The following KCNQ1 variants were observed in gnomAD, a reference collection of about 807,000 sequenced individuals.
KCNQ1 encodes potassium voltage-gated channel subfamily Q member 1, also known as potassium voltage-gated channel subfamily KQT member 1.
In KCNQ1, 49 loss-of-function variants were observed where a neutral mutation model predicts 72.4. That is an observed-to-expected ratio of 0.68 (90% CI 0.54 to 0.86). KCNQ1 has a LOEUF of 0.86. Ranked by LOEUF, KCNQ1 falls within the 40% of genes least tolerant of loss-of-function variation. The probability of loss-of-function intolerance (pLI) is 0.00; values close to 1 mark genes in which losing one functional copy is unlikely to be tolerated. For synonymous variants in KCNQ1, 450 were observed against 412.6 expected, an observed-to-expected ratio of 1.09 and a Z score of -1.10; for missense variants, 790 against 945.1, an observed-to-expected ratio of 0.84 and a Z score of 2.15.
chr11:2,680,168 G>A (rs865810064), intron 11 of KCNQ1: 23 of 394,242 alleles, frequency 5.8e-5, no homozygotes, highest in Middle Eastern at 1.3e-3. Context: ...CTGGGATTAC[G>A]GGCGTGAGCC....
At chr11:2,622,698 G>A (rs1051323451) in intron 10 of KCNQ1, 1 of 398,450 alleles carries the variant, frequency 2.5e-6, no homozygotes, top group Non-Finnish European at 4.4e-6. Context: ...TTGTCTGTAT[G>A]TGTGTATGTG....
At chr11:2,731,131 A>G (rs1845852512) in intron 11 of KCNQ1, among the ~76,000 whole-genome samples, 1 of 152,194 alleles carries the variant, frequency 6.6e-6, no homozygotes, top group Admixed American at 6.5e-5. Context: ...TGTTCACGGC[A>G]GGGGCTGCGT....
At chr11:2,774,183 G>A (rs1005911713) in intron 12 of KCNQ1, among the ~76,000 whole-genome samples, 1 of 152,248 alleles carries the variant, frequency 6.6e-6, no homozygotes, top group Non-Finnish European at 1.5e-5. Flanking sequence ...GAAGGACTTA[G>A]CATTCCCATA....
chr11:2,561,808 C>CTA (rs1848171508), intron 2 of KCNQ1, among the ~76,000 whole-genome samples: 7 of 152,238 alleles, frequency 4.6e-5, no homozygotes, highest in Admixed American at 3.3e-4. Context: ...GGCCCAGAAG[C>CTA]CCTCCCCTCC....
intron 1 of KCNQ1, among the ~76,000 whole-genome samples, chr11:2,505,670 A>G (rs1251835557): frequency 6.6e-6 from 1 of 152,170 alleles, no homozygotes; most frequent in Non-Finnish European, 1.5e-5. Context: ...AATGTTTATA[A>G]TGGTTATCTG....
chr11:2,812,529 G>A (rs1847510991), intron 15 of KCNQ1, among the ~76,000 whole-genome samples: 1 of 152,228 alleles, frequency 6.6e-6, no homozygotes, highest in African/African-American at 2.4e-5. Context: ...CGGGAGGCGG[G>A]AACAGCATGT....
At chr11:2,558,729 G>A (rs750148210) in intron 2 of KCNQ1, among the ~76,000 whole-genome samples, 9 of 152,284 alleles carry the variant, frequency 5.9e-5, no homozygotes, top group East Asian at 3.9e-4. Context: ...GTCGGCCCCC[G>A]TAAGGCACCG....
intron 2 of KCNQ1, among the ~76,000 whole-genome samples, chr11:2,555,556 C>T (rs1373242900): frequency 6.6e-6 from 1 of 152,226 alleles, no homozygotes; most frequent in African/African-American, 2.4e-5. Flanking sequence ...CCACAAATTG[C>T]AGGGCAGCCG....
rs1326812322 is a variant in KCNQ1 at position 2,668,037 on chromosome 11, T to C, written c.1514+5956T>C. The C allele has an allele frequency of 1.0e-5, 4 of 398,480 alleles. No homozygotes were observed. The highest frequency in any genetic ancestry group is 8.2e-5 in the African/African-American group (4 of 48,594). 24.7% of individuals were successfully genotyped at this position (398,480 alleles called of 1,614,324 possible). A position where few individuals can be genotyped will look rare whatever the true frequency, so the allele number is the denominator to read the frequency against. On this transcript the variant is annotated intron_variant, in intron 11 of 15. Coordinates refer to ENST00000155840, the MANE Select transcript of KCNQ1 (RefSeq NM_000218.3). The surrounding 1 kb of genome is among the most constrained non-coding windows in gnomAD (Gnocchi z 4.3). ...TAACTGCTAGCAGCAAGGACCAGCT[T>C]TGCCCACATTTGAACTTTATGCGGT...
chr11:2,787,479 C>A lies in KCNQ1; in HGVS notation c.1794+9442C>A, dbSNP rs1292048811. Among the ~76,000 whole-genome samples the A allele has an allele frequency of 1.3e-5, 2 of 152,194 alleles. No individual in the cohort carries two copies. Among genetic ancestry groups the A allele is most frequent in the Non-Finnish European group, 2.9e-5 (2 of 68,042 alleles). ...TTTCACTGAGTTTTCAGCCTCTAAC[C>A]TCCCTTACTTCCTGGTCAGCTCATC... On this transcript the variant is annotated intron_variant, in intron 15 of 15. Coordinates refer to ENST00000155840, the MANE Select transcript of KCNQ1 (RefSeq NM_000218.3). This position sits in a 1 kb window ranked among gnomAD's most constrained non-coding sequence, Gnocchi z 6.3.
Position 2,550,885 on chromosome 11 carries a change from G to C in KCNQ1, c.478-19743G>C, listed in dbSNP as rs1335687080. Among the ~76,000 whole-genome samples, 1 of 152,066 alleles carries C rather than the reference G, an allele frequency of 6.6e-6. No individual in the cohort carries two copies. The highest frequency in any genetic ancestry group is 1.5e-5 in the Non-Finnish European group (1 of 67,986). On this transcript the variant is annotated intron_variant, in intron 2 of 15. Coordinates refer to ENST00000155840, the MANE Select transcript of KCNQ1 (RefSeq NM_000218.3). The surrounding 1 kb of genome is among the most constrained non-coding windows in gnomAD (Gnocchi z 6.0). The stretch of plus-strand genomic sequence containing the variant: ...GCCTGGGGAGGCTGCCAAGTGAGGG[G>C]GGGGCACAGACTGAGACAGGGTCCC...
intron 6 of KCNQ1, among the ~76,000 whole-genome samples, chr11:2,577,333 A>G (rs1373658048): frequency 6.6e-6 from 1 of 152,218 alleles, no homozygotes; most frequent in African/African-American, 2.4e-5. Context: ...GTGTCCCTGC[A>G]GGACTGTTTC....
chr11:2,797,465 G>A (rs1470550247), intron 15 of KCNQ1, among the ~76,000 whole-genome samples: 2 of 152,180 alleles, frequency 1.3e-5, no homozygotes, highest in African/African-American at 4.8e-5. Flanking sequence ...GGCTGGGCTG[G>A]CCTCTTCCTA....
At position 2,477,412 on chromosome 11, in the gene KCNQ1, C is replaced by T. The variant is rs571943236; in HGVS notation, c.386+31928C>T. ...TCTTCCCACCATTGAATTAGGATGC[C>T]GTCTGCTACTGAGAGAGCCAGTCAT... On this transcript the variant is annotated intron_variant, in intron 1 of 15. Coordinates refer to ENST00000155840, the MANE Select transcript of KCNQ1 (RefSeq NM_000218.3). This position sits in a 1 kb window ranked among gnomAD's most constrained non-coding sequence, Gnocchi z 5.0. 3.9e-5 allele frequency among the ~76,000 whole-genome samples: 6 copies of T among 152,246 alleles called. No individual in the cohort carries two copies. Among genetic ancestry groups the T allele is most frequent in the South Asian group, 2.1e-4 (1 of 4,818 alleles).
chr11:2,446,277 T>C lies in KCNQ1; in HGVS notation c.386+793T>C, dbSNP rs1050377599. Among the ~76,000 whole-genome samples the C allele has an allele frequency of 6.6e-6, 1 of 152,152 alleles. No homozygotes were observed. The highest frequency in any genetic ancestry group is 2.4e-5 in the African/African-American group (1 of 41,444). ...TCCGGGAAGGTCCAGGCTGCTCTCC[T>C]CCATGCCTGCCTGGGGCCTTCCCCC... On this transcript the variant is annotated intron_variant, in intron 1 of 15. Transcript: ENST00000155840. The surrounding 1 kb of genome is among the most constrained non-coding windows in gnomAD (Gnocchi z 8.8).
chr11:2,612,220 G>T lies in KCNQ1; in HGVS notation c.1393+23366G>T. ...ACTGCCTGAGCTCTGCCTCCTGTCT[G>T]ATCAGTGATGGCATTAGATTCTCAC... On this transcript the variant is annotated intron_variant, in intron 10 of 15. Coordinates refer to ENST00000155840, the MANE Select transcript of KCNQ1 (RefSeq NM_000218.3). This position sits in a 1 kb window ranked among gnomAD's most constrained non-coding sequence, Gnocchi z 5.5. 2.5e-6 allele frequency: 1 copy of T among 398,606 alleles called. No individual in the cohort carries two copies. Among genetic ancestry groups the T allele is most frequent in the South Asian group, 1.3e-4 (1 of 7,824 alleles). The allele number at this position is 398,606 out of a possible 1,614,324, so 24.7% of individuals were successfully genotyped here.
chr11:2,776,105 C>G, intron 13 of KCNQ1, 51 bp downstream of exon 13: 2 of 1,450,842 alleles, frequency 1.4e-6, no homozygotes, highest in South Asian at 1.2e-5. Flanking sequence ...CTGCCCAGCC[C>G]GGCCCCAGCT....
In KCNQ1 at chr11:2,644,493, C is replaced by T. The variant is rs552493971; in HGVS notation, c.1394-17468C>T. The T allele has an allele frequency of 1.5e-4, 58 of 398,046 alleles. No homozygotes were observed. Among genetic ancestry groups the T allele is most frequent in the Middle Eastern group, 6.2e-4 (1 of 1,610 alleles). 24.7% of individuals were successfully genotyped at this position (398,046 alleles called of 1,614,324 possible). A position where few individuals can be genotyped will look rare whatever the true frequency, so the allele number is the denominator to read the frequency against. On this transcript the variant is annotated intron_variant, in intron 10 of 15. Transcript: ENST00000155840. ...TACCCCGAATTGTTTTTTCTGATTTCTTTGTATAGTCTATCAGATCTTCTT... is the reference window on the plus strand; with the variant it reads ...TACCCCGAATTGTTTTTTCTGATTTTTTTGTATAGTCTATCAGATCTTCTT...
chr11:2,634,381 A>G (rs1334441700), intron 10 of KCNQ1: 2 of 197,176 alleles, frequency 1.0e-5, no homozygotes, highest in Non-Finnish European at 1.8e-5. Context: ...TCCTACGTCC[A>G]AGTGTTCTCA....
Sources: allele counts gnomAD v4.1 joint callset (sites outside exome capture counted in the v4.1 genomes callset), GRCh38; gene constraint gnomAD v4.1.1; non-coding constraint Gnocchi (gnomAD v3.1); transcripts MANE v1.5; gene names NCBI Gene and HGNC (gene_info 2026-07-23, HGNC 2026-07-21).